Variants in BIRC6 observed in about 807,000 individuals in gnomAD.
The protein encoded by BIRC6 is baculoviral IAP repeat containing 6.
Under a neutral mutation model 503.3 loss-of-function variants are expected in BIRC6, and 98 were observed. The ratio of observed to expected loss-of-function variants is 0.19; its 90% CI spans 0.17 to 0.23. The LOEUF (loss-of-function observed/expected upper bound fraction) is 0.23. Among genes scored for constraint, BIRC6 ranks in the 10% least tolerant of loss-of-function variants. BIRC6 has a pLI of 1.00. For synonymous variants in BIRC6, 2,240 were observed against 2,078.7 expected, an observed-to-expected ratio of 1.08 and a Z score of -2.11; for missense variants, 5,360 against 5,806.0, an observed-to-expected ratio of 0.92 and a Z score of 2.50.
At position 32,529,689 on chromosome 2, in the gene BIRC6, T is replaced by C; in HGVS notation, c.11959T>C (p.Leu3987=). The C allele has an allele frequency of 6.2e-7, 1 of 1,611,876 alleles. No individual in the cohort carries two copies. The highest frequency in any genetic ancestry group is 1.1e-5 in the South Asian group (1 of 90,496). Residue 3987 remains leucine (L), a synonymous_variant, in exon 60 of 74, where the codon TTA becomes CTA. Coordinates refer to ENST00000421745, the MANE Select transcript of BIRC6 (RefSeq NM_016252.4). ...LPAEMTLAQL[L]TLLYDRKLPQ... ...AGCTGAAATGACACTTGCCCAGCTT[T>C]TAACTCTCCTATATGACCGAAAACT...
rs2063373757 is a variant in BIRC6 at position 32,618,558 on chromosome 2, G to GA, written c.*661dup. On this transcript the variant is annotated 3_prime_UTR_variant, in exon 74 of 74. Transcript: ENST00000421745. ...TTATGCCTTCTAATTCTAAGATGCA[G>GA]AAAAAAATAAATGAACATGATTTTA... 6.6e-6 allele frequency: 1 copy of GA among 152,392 alleles called. No individual in the cohort carries two copies. Among genetic ancestry groups the GA allele is most frequent in the South Asian group, 2.1e-4 (1 of 4,828 alleles). The allele number at this position is 152,392 out of a possible 1,614,324, so 9.4% of individuals were successfully genotyped here. A position where few individuals can be genotyped will look rare whatever the true frequency, so the allele number is the denominator to read the frequency against.
At chr2:32,575,588 C>T (rs2060209449) in intron 66 of BIRC6, among the ~76,000 whole-genome samples, 1 of 152,008 alleles carries the variant, frequency 6.6e-6, no homozygotes, top group African/African-American at 2.4e-5. Flanking sequence ...CATGGTGAAA[C>T]CCCGTCTCTA....
intron 10 of BIRC6, among the ~76,000 whole-genome samples, chr2:32,422,250 T>C (rs2043026497): frequency 6.6e-6 from 1 of 152,236 alleles, no homozygotes; most frequent in African/African-American, 2.4e-5. Context: ...CCTGTACCTT[T>C]TAAATTTGAA....
Position 32,441,404 on chromosome 2 carries a change from C to T in BIRC6, c.3886C>T (p.Leu1296Phe), listed in dbSNP as rs929347425. The T allele has an allele frequency of 5.0e-6, 8 of 1,611,034 alleles. No homozygotes were observed. Among genetic ancestry groups the T allele is most frequent in the Non-Finnish European group, 6.8e-6 (8 of 1,177,658 alleles). The change falls in exon 17 of 74, where the codon CTT (leucine) becomes TTT (phenylalanine). Residue 1296 changes from leucine (L) to phenylalanine (F), a missense_variant. Coordinates refer to ENST00000421745, the MANE Select transcript of BIRC6 (RefSeq NM_016252.4). ...TGAAAACCTCCGGGGCTGTGATTTA[C>T]TTCAAGAGGTCTCAGTCACCATTCG... ...KSENLRGCDL[L>F]QEVSVTIRRF...
At chr2:32,447,327 G>T (rs1274539895) in intron 21 of BIRC6, among the ~76,000 whole-genome samples, 1 of 150,812 alleles carries the variant, frequency 6.6e-6, no homozygotes, top group African/African-American at 2.4e-5. Flanking sequence ...CAGTAGGGGC[G>T]GCCGGGCAGA....
intron 52 of BIRC6, 127 bp from the exon 53 acceptor site, chr2:32,510,399 T>C: frequency 3.0e-6 from 2 of 657,466 alleles, no homozygotes; most frequent in Non-Finnish European, 5.3e-6. Flanking sequence ...ATTTTTAGAG[T>C]TTGTTCTGTG....
At chr2:32,522,239 T>C (rs1314105949) in intron 57 of BIRC6, 2 of 152,122 alleles carry the variant, frequency 1.3e-5, no homozygotes, top group Non-Finnish European at 1.5e-5. Context: ...ATGGATTGTA[T>C]GTTCTCGCTT....
chr2:32,368,342 C>A (rs1303338198), intron 1 of BIRC6, among the ~76,000 whole-genome samples: 1 of 152,044 alleles, frequency 6.6e-6, no homozygotes, highest in Non-Finnish European at 1.5e-5. Context: ...AATTCGAGAC[C>A]AGCCTAGCCA....
chr2:32,571,064 G>C (rs1013944453), intron 65 of BIRC6, among the ~76,000 whole-genome samples: 3 of 152,054 alleles, frequency 2.0e-5, no homozygotes, highest in African/African-American at 7.2e-5. Context: ...TCCTGCCTCA[G>C]CCTCCCAAAA....
At chr2:32,368,900 C>T (rs2035371416) in intron 1 of BIRC6, among the ~76,000 whole-genome samples, 1 of 152,186 alleles carries the variant, frequency 6.6e-6, no homozygotes, top group Non-Finnish European at 1.5e-5. Flanking sequence ...GACCTGTCCT[C>T]CTTGGCCTCC....
At chr2:32,396,012 A>C (rs2149641160) in intron 6 of BIRC6, among the ~76,000 whole-genome samples, 1 of 152,256 alleles carries the variant, frequency 6.6e-6, no homozygotes, top group East Asian at 1.9e-4. Context: ...TAGTGCATGA[A>C]ATTTTAGAAC....
intron 66 of BIRC6, among the ~76,000 whole-genome samples, chr2:32,577,344 C>G (rs1457286462): frequency 1.3e-5 from 2 of 152,066 alleles, no homozygotes; most frequent in African/African-American, 2.4e-5. Flanking sequence ...TAGCTTATAA[C>G]TAAAATTGAA....
intron 23 of BIRC6, among the ~76,000 whole-genome samples, chr2:32,460,258 ATATATATATATATATTTTT>A (rs1463646124): frequency 7.4e-5 from 2 of 27,090 alleles, no homozygotes; most frequent in Non-Finnish European, 1.4e-4. Context: ...ATATATATAT[ATATATATATATATATTTTT>A]TTTTTTTTTT....
intron 23 of BIRC6, among the ~76,000 whole-genome samples, chr2:32,461,073 C>T (rs866420299): frequency 0.13 from 559 of 4,360 alleles, 12 homozygotes; most frequent in Middle Eastern, 0.25. Context: ...TTCTGTTCTC[C>T]TCTCCTCTCC....
At chr2:32,617,694 G>A in intron 73 of BIRC6, 31 bp from the exon 74 acceptor site, 1 of 1,601,798 alleles carries the variant, frequency 6.2e-7, no homozygotes, top group Non-Finnish European at 8.5e-7. Context: ...AGGGTTTGCA[G>A]TTCTAACATT....
intron 66 of BIRC6, among the ~76,000 whole-genome samples, chr2:32,588,247 C>G (rs1240649070): frequency 6.6e-6 from 1 of 152,096 alleles, no homozygotes; most frequent in African/African-American, 2.4e-5. Context: ...CTCAGCTACT[C>G]AGGAGGCTTG....
In BIRC6 at chr2:32,490,438, C is replaced by T. The variant is rs189129873; in HGVS notation, c.8206+287C>T. Among the ~76,000 whole-genome samples the T allele has an allele frequency of 1.1e-3, 164 of 152,142 alleles. 1 individual carries two copies. The highest frequency in any genetic ancestry group is 9.3e-3 in the South Asian group (45 of 4,818). ...TAGTCCCAGCTACTTGGGAGGGTGA[C>T]GCACGAAAATCACTTGAACCTGGAA... On this transcript the variant is annotated intron_variant, in intron 43 of 73. Transcript: ENST00000421745.
rs551416219 is a variant in BIRC6 at position 32,522,537 on chromosome 2, T to G, written c.11624-2351T>G. Reference sequence around the variant, plus strand: ...CATGAAATGAGACTAAGAAACTAAATTTTTAGATTGAATTTTTAATTTTAA... The same window carrying G: ...CATGAAATGAGACTAAGAAACTAAAGTTTTAGATTGAATTTTTAATTTTAA... On this transcript the variant is annotated intron_variant, in intron 57 of 73. Coordinates refer to ENST00000421745, the MANE Select transcript of BIRC6 (RefSeq NM_016252.4). 1.4e-4 allele frequency: 21 copies of G among 152,270 alleles called. 1 individual carries two copies. Among genetic ancestry groups the G allele is most frequent in the Admixed American group, 1.2e-3 (19 of 15,300 alleles). 9.4% of individuals were successfully genotyped at this position (152,270 alleles called of 1,614,324 possible).
At position 32,481,775 on chromosome 2, in the gene BIRC6, GA is replaced by G. The variant is rs879271596; in HGVS notation, c.7542+333del. Among the ~76,000 whole-genome samples the G allele has an allele frequency of 8.6e-3, 1,233 of 143,122 alleles. 16 individuals carry two copies. Among genetic ancestry groups the G allele is most frequent in the African/African-American group, 0.024 (960 of 39,190 alleles). 93.9% of individuals were successfully genotyped at this position (143,122 alleles called of 152,430 possible). A position where few individuals can be genotyped will look rare whatever the true frequency, so the allele number is the denominator to read the frequency against. ...AACGAGACTCTGTCTCAAAAAAAAA[GA>G]AAAAAAAAAATTCTTTGAAAGGGAA... On this transcript the variant is annotated intron_variant, in intron 38 of 73. Transcript: ENST00000421745.
Sources: allele counts gnomAD v4.1 joint callset (sites outside exome capture counted in the v4.1 genomes callset), GRCh38; gene constraint gnomAD v4.1.1; transcripts MANE v1.5; gene names NCBI Gene and HGNC (gene_info 2026-07-23, HGNC 2026-07-21).